The following CHID1 variants were observed in gnomAD, a reference collection of about 807,000 sequenced individuals.
The protein encoded by CHID1 is chitinase domain-containing protein 1.
Under a neutral mutation model 55.4 loss-of-function variants are expected in CHID1, and 44 were observed. That is an observed-to-expected ratio of 0.79 (90% CI 0.62 to 1.02). The LOEUF (loss-of-function observed/expected upper bound fraction) is 1.02, where lower values mean the gene tolerates loss of function less well. Ranked by LOEUF, CHID1 falls within the 50% of genes least tolerant of loss-of-function variation. CHID1 has a pLI of 0.00. For synonymous variants in CHID1, 216 were observed against 212.9 expected, an observed-to-expected ratio of 1.01 and a Z score of -0.13; for missense variants, 491 against 515.3, an observed-to-expected ratio of 0.95 and a Z score of 0.46.
At chr11:894,473 G>A (rs578258379) in intron 7 of CHID1, among the ~76,000 whole-genome samples, 1 of 152,324 alleles carries the variant, frequency 6.6e-6, no homozygotes, top group Admixed American at 6.5e-5. Context: ...CCCTGCAGGT[G>A]GCCTCTGCAG....
upstream of CHID1, chr11:914,473 G>T: frequency 8.1e-7 from 1 of 1,228,808 alleles, no homozygotes; most frequent in Non-Finnish European, 1.1e-6. Flanking sequence ...GCAGAGATGA[G>T]TGTTTCTGCT....
At chr11:879,497 G>T (rs7482875) in intron 10 of CHID1, among the ~76,000 whole-genome samples, 9 of 151,172 alleles carry the variant, frequency 6.0e-5, no homozygotes, top group South Asian at 2.1e-4. Flanking sequence ...TGAGGACACA[G>T]GGAGAAGGCA....
intron 2 of CHID1, among the ~76,000 whole-genome samples, chr11:903,440 C>T (rs189439766): frequency 2.5e-4 from 38 of 152,342 alleles, no homozygotes; most frequent in Non-Finnish European, 1.5e-5. Flanking sequence ...TCTGGCCACT[C>T]GATACCCATC....
intron 10 of CHID1, among the ~76,000 whole-genome samples, chr11:878,364 A>T (rs1416108170): frequency 6.6e-6 from 1 of 152,042 alleles, no homozygotes; most frequent in East Asian, 1.9e-4. Context: ...CAGTGAGCTG[A>T]GATCACACCA....
chr11:911,005 T>C (rs1252108456), upstream of CHID1: 143 of 164,356 alleles, frequency 8.7e-4, no homozygotes, highest in African/African-American at 3.2e-3. Context: ...CCCGGCGCGT[T>C]CACCTTGAGC....
intron 4 of CHID1, 116 bp from the exon 5 acceptor site, chr11:901,096 G>C: frequency 6.6e-6 from 6 of 915,864 alleles, no homozygotes; most frequent in Non-Finnish European, 9.7e-6. Context: ...GGGCAGGGGC[G>C]GGCAGGCAGG....
chr11:898,155 T>C (rs4963183), intron 7 of CHID1, among the ~76,000 whole-genome samples: 86,763 of 152,088 alleles, frequency 0.57, 25,870 homozygotes, highest in South Asian at 0.77. Flanking sequence ...TCATGGGCTC[T>C]GCCTCAACAA....
chr11:871,495 TCA>T (rs1460279927), intron 10 of CHID1, among the ~76,000 whole-genome samples: 1 of 916 alleles, frequency 1.1e-3, no homozygotes, highest in Non-Finnish European at 2.9e-3. Context: ...TGTGCACATC[TCA>T]CACTGCACAT....
chr11:914,017 G>C (rs189035464), upstream of CHID1, among the ~76,000 whole-genome samples: 1 of 150,476 alleles, frequency 6.6e-6, no homozygotes, highest in Non-Finnish European at 1.5e-5. Flanking sequence ...GCAATGAGCC[G>C]AGATCGCGCC....
chr11:896,845 T>G (rs7926756), intron 7 of CHID1, among the ~76,000 whole-genome samples: 52,001 of 113,708 alleles, frequency 0.46, 13,188 homozygotes, highest in Admixed American at 0.57. Flanking sequence ...CCACAGAAAC[T>G]AAGCTGTCTC....
chr11:896,475 C>T (rs1265467784), intron 7 of CHID1, among the ~76,000 whole-genome samples: 2 of 142,488 alleles, frequency 1.4e-5, no homozygotes. Flanking sequence ...GTCTCAGCAC[C>T]CCCAGCCTCC....
chr11:891,093 TG>T (rs934903432), intron 8 of CHID1, among the ~76,000 whole-genome samples: 1 of 147,300 alleles, frequency 6.8e-6, no homozygotes, highest in African/African-American at 2.5e-5. Context: ...CAGAGTGGGA[TG>T]GGGGAAGGAT....
At chr11:870,257 C>T (rs986944190) in intron 11 of CHID1, 94 bp from the exon 12 acceptor site, 17 of 1,525,474 alleles carry the variant, frequency 1.1e-5, no homozygotes, top group Admixed American at 3.4e-5. Flanking sequence ...TCCTCCCACC[C>T]ACCAGGTGGC....
chr11:907,238 T>C (rs921546000), intron 1 of CHID1, among the ~76,000 whole-genome samples: 10 of 152,250 alleles, frequency 6.6e-5, no homozygotes, highest in African/African-American at 2.4e-4. Flanking sequence ...TCCCAGCACT[T>C]TGGGAGGCCG....
intron 10 of CHID1, among the ~76,000 whole-genome samples, chr11:876,858 G>A (rs1849554992): frequency 6.6e-6 from 1 of 152,218 alleles, no homozygotes. Context: ...AAGAGCTACT[G>A]GCCACCCAGG....
intron 3 of CHID1, 56 bp from the exon 4 acceptor site, chr11:902,386 C>T (rs1356546261): frequency 4.4e-6 from 7 of 1,583,298 alleles, no homozygotes; most frequent in Non-Finnish European, 6.1e-6. Flanking sequence ...CCTGTCTCAC[C>T]ATGGTGCTGT....
At chr11:870,629 G>A (rs1051721281) in intron 10 of CHID1, 130 bp from the exon 11 acceptor site, 5 of 664,140 alleles carry the variant, frequency 7.5e-6, no homozygotes, top group Admixed American at 7.3e-5. Flanking sequence ...AGTGGTCTGG[G>A]GGACAACACC....
chr11:912,951 C>T (rs1852780610), upstream of CHID1, among the ~76,000 whole-genome samples: 1 of 152,080 alleles, frequency 6.6e-6, no homozygotes, highest in East Asian at 1.9e-4. Context: ...GAATCAGAAC[C>T]GAAGTGTTAG....
intron 8 of CHID1, among the ~76,000 whole-genome samples, chr11:886,735 G>A (rs1022740418): frequency 3.9e-5 from 6 of 152,184 alleles, no homozygotes; most frequent in South Asian, 2.1e-4. Context: ...TCTCCGAGTC[G>A]GTCCCAGGTG....
Sources: gnomAD v4.1 joint callset for allele counts (sites outside exome capture counted in the v4.1 genomes callset) on GRCh38, gnomAD v4.1.1 for gene constraint, MANE v1.5 for transcripts, NCBI Gene and HGNC (gene_info 2026-07-23, HGNC 2026-07-21) for gene names.